The following PCDH15 variants were observed in gnomAD, a reference collection of about 807,000 sequenced individuals.
PCDH15 encodes protocadherin related 15.
In PCDH15, 129 loss-of-function variants were observed where a neutral mutation model predicts 178.5. The observed-to-expected ratio is 0.72, with a 90% CI of 0.63 to 0.84. The LOEUF is 0.84. Among genes scored for constraint, PCDH15 ranks in the 40% least tolerant of loss-of-function variants. PCDH15 has a pLI of 0.00. For missense variants in PCDH15, 2,230 were observed against 2,099.9 expected, an observed-to-expected ratio of 1.06 and a Z score of -1.21; for synonymous variants, 800 against 732.0, an observed-to-expected ratio of 1.09 and a Z score of -1.50.
At chr10:54,197,355 G>T (rs527449536) in intron 10 of PCDH15, among the ~76,000 whole-genome samples, 3 of 151,876 alleles carry the variant, frequency 2.0e-5, no homozygotes, top group Non-Finnish European at 4.4e-5. Context: ...GTATTGGAAG[G>T]TTTAATTTAA....
At chr10:54,821,491 C>T (rs951829603) in intron 3 of PCDH15, among the ~76,000 whole-genome samples, 5 of 151,878 alleles carry the variant, frequency 3.3e-5, no homozygotes, top group African/African-American at 4.8e-5. Flanking sequence ...TGACAAGCTA[C>T]GTTTTTAAAA....
intron 3 of PCDH15, among the ~76,000 whole-genome samples, chr10:54,472,932 ACT>A (rs1209258813): frequency 6.6e-6 from 1 of 152,226 alleles, no homozygotes; most frequent in East Asian, 1.9e-4. Flanking sequence ...TTTAAAATAA[ACT>A]CTTCTATAAC....
At chr10:54,398,173 T>C (rs1951482843) in intron 3 of PCDH15, among the ~76,000 whole-genome samples, 1 of 151,772 alleles carries the variant, frequency 6.6e-6, no homozygotes, top group African/African-American at 2.4e-5. Context: ...TTTTATTACA[T>C]AAAAAGTAAT....
At chr10:54,579,250 A>G (rs2090803649) in intron 2 of PCDH15, among the ~76,000 whole-genome samples, 1 of 152,154 alleles carries the variant, frequency 6.6e-6, no homozygotes, top group South Asian at 2.1e-4. Flanking sequence ...TTCAAGAGAC[A>G]GAACTCCCAT....
intron 1 of PCDH15, among the ~76,000 whole-genome samples, chr10:54,737,720 A>G (rs1301110570): frequency 6.6e-6 from 1 of 152,076 alleles, no homozygotes; most frequent in Non-Finnish European, 1.5e-5. Context: ...TGAAGTTCTG[A>G]ATCTATGGCA....
At chr10:55,405,926 G>A (rs1474269932) in intron 2 of PCDH15, among the ~76,000 whole-genome samples, 1 of 151,902 alleles carries the variant, frequency 6.6e-6, no homozygotes, top group Admixed American at 6.6e-5. Flanking sequence ...GGGTGTTCTA[G>A]TAGTAGAAGT....
chr10:55,534,972 G>A (rs780446485), intron 2 of PCDH15, among the ~76,000 whole-genome samples: 11 of 151,934 alleles, frequency 7.2e-5, no homozygotes, highest in Non-Finnish European at 1.3e-4. Flanking sequence ...AACAGAAAAT[G>A]TGTATTCACA....
At chr10:53,894,533 C>A (rs924702994) in intron 26 of PCDH15, among the ~76,000 whole-genome samples, 10 of 152,136 alleles carry the variant, frequency 6.6e-5, no homozygotes, top group Non-Finnish European at 1.3e-4. Flanking sequence ...CAGGCTGGTT[C>A]TTGTTTGCAT....
chr10:54,817,697 A>C (rs754161656), intron 3 of PCDH15, among the ~76,000 whole-genome samples: 5 of 152,052 alleles, frequency 3.3e-5, no homozygotes, highest in African/African-American at 4.8e-5. Flanking sequence ...GGGGGTTACT[A>C]TGAGACCCAT....
intron 2 of PCDH15, among the ~76,000 whole-genome samples, chr10:55,544,489 C>G (rs147579930): frequency 8.0e-4 from 121 of 151,958 alleles, no homozygotes; most frequent in African/African-American, 2.8e-3. Context: ...AATATAAAAC[C>G]AAAATCAGGG....
intron 2 of PCDH15, among the ~76,000 whole-genome samples, chr10:54,929,322 C>G (rs1355449959): frequency 6.6e-6 from 1 of 152,110 alleles, no homozygotes; most frequent in Non-Finnish European, 1.5e-5. Flanking sequence ...CTCCTTGACT[C>G]CTGGTCACTA....
At chr10:55,057,175 C>T (rs1841327431) in intron 2 of PCDH15, among the ~76,000 whole-genome samples, 1 of 152,116 alleles carries the variant, frequency 6.6e-6, no homozygotes, top group South Asian at 2.1e-4. Flanking sequence ...CAACCAAAAT[C>T]TCAGACAACT....
chr10:55,269,301 GA>G (rs57047646), intron 1 of PCDH15, among the ~76,000 whole-genome samples: 3 of 149,826 alleles, frequency 2.0e-5, no homozygotes, highest in East Asian at 2.0e-4. Flanking sequence ...GCAAGAGAAA[GA>G]AAAAAAAAGG....
chr10:54,145,787 G>C (rs2043848804), intron 14 of PCDH15, among the ~76,000 whole-genome samples: 1 of 152,056 alleles, frequency 6.6e-6, no homozygotes, highest in Non-Finnish European at 1.5e-5. Flanking sequence ...TATATCTGTT[G>C]ATATAAACTT....
At chr10:55,441,698 G>T (rs577192088) in intron 2 of PCDH15, among the ~76,000 whole-genome samples, 3 of 152,260 alleles carry the variant, frequency 2.0e-5, no homozygotes, top group East Asian at 3.9e-4. Context: ...AAATAACAAT[G>T]ATACCTGTGA....
At chr10:53,848,476 C>T (rs2078125014) in intron 28 of PCDH15, among the ~76,000 whole-genome samples, 1 of 151,916 alleles carries the variant, frequency 6.6e-6, no homozygotes. Context: ...GGGAGAAAAA[C>T]AGATTATAAT....
chr10:55,121,740 C>T (rs1214049966), intron 2 of PCDH15, among the ~76,000 whole-genome samples: 1 of 151,998 alleles, frequency 6.6e-6, no homozygotes, highest in Non-Finnish European at 1.5e-5. Flanking sequence ...CCCTTCTGTC[C>T]TTTTGTCTTT....
intron 3 of PCDH15, chr10:54,864,563 T>C (rs577331354): frequency 2.6e-5 from 4 of 152,170 alleles, no homozygotes; most frequent in Non-Finnish European, 5.9e-5. Context: ...AAACATTTAT[T>C]ATATAATATT....
intron 1 of PCDH15, among the ~76,000 whole-genome samples, chr10:54,717,245 A>C (rs12413489): frequency 0.78 from 88,110 of 112,764 alleles, 36,691 homozygotes; most frequent in Middle Eastern, 0.91. Context: ...GCAACAAAAG[A>C]CAAAATTGAC....
Sources: allele counts gnomAD v4.1 joint callset (sites outside exome capture counted in the v4.1 genomes callset), GRCh38; gene constraint gnomAD v4.1.1; transcripts MANE v1.5; gene names NCBI Gene and HGNC (gene_info 2026-07-23, HGNC 2026-07-21).